GLB1L2: variants seen among roughly 807,000 people sequenced by gnomAD.
The protein encoded by GLB1L2 is beta-galactosidase-1-like protein 2.
Under a neutral mutation model 84.1 loss-of-function variants are expected in GLB1L2, and 68 were observed. The observed-to-expected ratio is 0.81, with a 90% CI of 0.67 to 0.99. The LOEUF (loss-of-function observed/expected upper bound fraction) is 0.99. GLB1L2 is among the 50% of genes least tolerant of loss of function. The probability of loss-of-function intolerance (pLI) is 0.00; values close to 1 mark genes in which losing one functional copy is unlikely to be tolerated. For missense variants in GLB1L2, 762 were observed against 805.6 expected, an observed-to-expected ratio of 0.95 and a Z score of 0.66; for synonymous variants, 290 against 318.0, an observed-to-expected ratio of 0.91 and a Z score of 0.94.
intron 16 of GLB1L2, 87 bp downstream of exon 16, chr11:134,373,895 G>A: frequency 9.9e-7 from 1 of 1,012,906 alleles, no homozygotes; most frequent in Non-Finnish European, 1.5e-6. Flanking sequence ...ACCGTGGCCT[G>A]GCCCGCACCC....
chr11:134,338,973 A>C lies in GLB1L2; in HGVS notation c.87-3781A>C, dbSNP rs1248774563. 6.6e-6 allele frequency among the ~76,000 whole-genome samples: 1 copy of C among 152,168 alleles called. No individual in the cohort carries two copies. Among genetic ancestry groups the C allele is most frequent in the African/African-American group, 2.4e-5 (1 of 41,430 alleles). On this transcript the variant is annotated intron_variant, in intron 1 of 18. Coordinates refer to ENST00000535456, the MANE Select transcript of GLB1L2 (RefSeq NM_001370461.1). This position sits in a 1 kb window ranked among gnomAD's most constrained non-coding sequence, Gnocchi z 6.2. ...CAGGGTTTGCTGTCCGGACTCTTCT[A>C]AGGTGGAAAAATCGCTTTGGATAAA...
At position 134,339,287 on chromosome 11, in the gene GLB1L2, T is replaced by C. The variant is rs1257837664; in HGVS notation, c.87-3467T>C. 6.6e-6 allele frequency among the ~76,000 whole-genome samples: 1 copy of C among 152,220 alleles called. No homozygotes were observed. Among genetic ancestry groups the C allele is most frequent in the African/African-American group, 2.4e-5 (1 of 41,460 alleles). ...TATTACTGAGTTACTCAGGAAATTATGGGGTTATTCTCCGTCTTATGATTA... is the reference window on the plus strand; with the variant it reads ...TATTACTGAGTTACTCAGGAAATTACGGGGTTATTCTCCGTCTTATGATTA... On this transcript the variant is annotated intron_variant, in intron 1 of 18. Transcript: ENST00000535456. This position sits in a 1 kb window ranked among gnomAD's most constrained non-coding sequence, Gnocchi z 5.7.
In GLB1L2 at chr11:134,339,698, G is replaced by A. The variant is rs969329335; in HGVS notation, c.87-3056G>A. 3.9e-5 allele frequency among the ~76,000 whole-genome samples: 6 copies of A among 151,976 alleles called. No individual in the cohort carries two copies. Among genetic ancestry groups the A allele is most frequent in the South Asian group, 2.1e-4 (1 of 4,822 alleles). ...AGCTCTATCCAGGGAGGGAGTCTACGTAGTGTCCAAGGAGAAGACGCAGAT... is the reference window on the plus strand; with the variant it reads ...AGCTCTATCCAGGGAGGGAGTCTACATAGTGTCCAAGGAGAAGACGCAGAT... On this transcript the variant is annotated intron_variant, in intron 1 of 18. Coordinates refer to ENST00000535456, the MANE Select transcript of GLB1L2 (RefSeq NM_001370461.1). The surrounding 1 kb of genome is among the most constrained non-coding windows in gnomAD (Gnocchi z 5.7).
chr11:134,360,295 C>T (rs958280176), intron 7 of GLB1L2: 1 of 152,328 alleles, frequency 6.6e-6, no homozygotes, highest in Non-Finnish European at 1.5e-5. Context: ...TGCAGCAGCG[C>T]CTAGCTGGCA....
chr11:134,351,682 A>G (rs1244137410), intron 5 of GLB1L2, among the ~76,000 whole-genome samples: 5 of 152,162 alleles, frequency 3.3e-5, no homozygotes, highest in Non-Finnish European at 7.3e-5. Context: ...TCATCCTCGC[A>G]TTACAGGAAT....
chr11:134,359,008 A>G, intron 6 of GLB1L2, 52 bp from the exon 7 acceptor site: 1 of 1,337,662 alleles, frequency 7.5e-7, no homozygotes, highest in South Asian at 1.4e-5. Context: ...GTGTCACTGC[A>G]GAAGCTCTAA....
At position 134,375,311 on chromosome 11, in the gene GLB1L2, C is replaced by A; in HGVS notation, c.*253C>A. The A allele has an allele frequency of 2.1e-6, 1 of 473,312 alleles. No individual in the cohort carries two copies. The highest frequency in any genetic ancestry group is 3.7e-6 in the Non-Finnish European group (1 of 267,100). The allele number at this position is 473,312 out of a possible 1,614,324, so 29.3% of individuals were successfully genotyped here. On this transcript the variant is annotated 3_prime_UTR_variant, in exon 19 of 19. Transcript: ENST00000535456. ...CTGCTCTTGTGCCGAGGCTGTCGGG[C>A]TGTCTCTAGGGTGGGAGCAGCTAAT...
chr11:134,367,943 G>C (rs1565441843), intron 9 of GLB1L2, among the ~76,000 whole-genome samples: 1 of 152,154 alleles, frequency 6.6e-6, no homozygotes, highest in South Asian at 2.1e-4. Flanking sequence ...CGGAGCCTGC[G>C]CTCTGCGCAC....
At chr11:134,365,649 A>T (rs1943859034) in intron 8 of GLB1L2, among the ~76,000 whole-genome samples, 2 of 152,236 alleles carry the variant, frequency 1.3e-5, no homozygotes, top group Non-Finnish European at 2.9e-5. Context: ...CTTCAAGGTC[A>T]TCCTTAGAGG....
intron 5 of GLB1L2, among the ~76,000 whole-genome samples, chr11:134,352,649 CTT>C (rs543898112): frequency 6.7e-5 from 9 of 133,338 alleles, no homozygotes; most frequent in Admixed American, 7.3e-5. Flanking sequence ...AATATGTCTT[CTT>C]TTTTTTTTTT....
chr11:134,363,251 C>T (rs774782471), intron 7 of GLB1L2, among the ~76,000 whole-genome samples: 6 of 152,198 alleles, frequency 3.9e-5, no homozygotes, highest in African/African-American at 9.7e-5. Context: ...CCCGCTCTGC[C>T]GCTACCTGAG....
intron 15 of GLB1L2, among the ~76,000 whole-genome samples, chr11:134,372,820 G>A (rs1040027716): frequency 2.0e-5 from 3 of 152,062 alleles, no homozygotes; most frequent in African/African-American, 7.2e-5. Context: ...CCTTCTAGAT[G>A]GGCCTCAGAG....
At chr11:134,356,532 T>C in intron 6 of GLB1L2, 139 bp downstream of exon 6, 2 of 622,294 alleles carry the variant, frequency 3.2e-6, no homozygotes, top group South Asian at 2.1e-5. Context: ...TTCTCTGTTG[T>C]TTTATTTCAA....
In GLB1L2 at chr11:134,356,287, T is replaced by A; in HGVS notation, c.559-14T>A. On this transcript the variant is annotated splice_polypyrimidine_tract_variant and intron_variant, in intron 5 of 18. Transcript: ENST00000535456. ...TGCACACTCAGCTCCTGGTTTTCTG[T>A]CTTTTCTCCGCAGTACAAGCGTGGG... 1.2e-6 allele frequency: 2 copies of A among 1,610,460 alleles called. No homozygotes were observed. The highest frequency in any genetic ancestry group is 1.7e-6 in the Non-Finnish European group (2 of 1,176,760).
chr11:134,359,834 C>T (rs1388315253), intron 7 of GLB1L2: 3 of 152,402 alleles, frequency 2.0e-5, no homozygotes, highest in Non-Finnish European at 4.4e-5. Context: ...CCGTTTCACC[C>T]TCTTTACTGT....
At chr11:134,333,567 C>T (rs1448796905) in intron 1 of GLB1L2, among the ~76,000 whole-genome samples, 1 of 152,210 alleles carries the variant, frequency 6.6e-6, no homozygotes, top group African/African-American at 2.4e-5. Flanking sequence ...TGGGGCAGCA[C>T]TGTGGGCTTG....
chr11:134,373,684 C>T (rs760941542), intron 15 of GLB1L2, 37 bp from the exon 16 acceptor site: 1 of 1,448,620 alleles, frequency 6.9e-7, no homozygotes, highest in Non-Finnish European at 9.6e-7. Flanking sequence ...CGGCCCCTGC[C>T]TTTGGGCTAC....
chr11:134,343,015 G>GA, intron 2 of GLB1L2, 64 bp downstream of exon 2: 1 of 1,517,782 alleles, frequency 6.6e-7, no homozygotes, highest in Non-Finnish European at 8.9e-7. Context: ...GTCTGCATGC[G>GA]AAAAAATATA....
rs143059862 is a variant in GLB1L2 at position 134,345,121 on chromosome 11, C to A, written c.441C>A (p.Gly147=). 1.3e-5 allele frequency: 21 copies of A among 1,611,042 alleles called. No homozygotes were observed. Among genetic ancestry groups the A allele is most frequent in the Admixed American group, 3.3e-5 (2 of 59,756 alleles). Reference sequence around the variant, plus strand: ...TCTGCAGTGAGATGGACCTCGGGGGCTTGCCCAGGTAAGCGGGGTTGTGAA... The same window carrying A: ...TCTGCAGTGAGATGGACCTCGGGGGATTGCCCAGGTAAGCGGGGTTGTGAA... The part of the protein sequence containing the change: ...PYICSEMDLG[G]LPSWLLQDPG... Residue 147 remains glycine (G), a synonymous_variant, in exon 4 of 19, where the codon GGC becomes GGA. Coordinates refer to ENST00000535456, the MANE Select transcript of GLB1L2 (RefSeq NM_001370461.1).
Sources: allele counts gnomAD v4.1 joint callset (sites outside exome capture counted in the v4.1 genomes callset), GRCh38; gene constraint gnomAD v4.1.1; non-coding constraint Gnocchi (gnomAD v3.1); transcripts MANE v1.5; gene names NCBI Gene and HGNC (gene_info 2026-07-23, HGNC 2026-07-21).